ADD2: variants seen among roughly 807,000 people sequenced by gnomAD.
The protein encoded by ADD2 is beta-adducin.
Under a neutral mutation model 83.0 loss-of-function variants are expected in ADD2, and 23 were observed. The ratio of observed to expected loss-of-function variants is 0.28; its 90% CI spans 0.20 to 0.39. The LOEUF is 0.39. Ranked by LOEUF, ADD2 falls within the 10% of genes least tolerant of loss-of-function variation. The pLI is 1.00. For missense variants in ADD2, 758 were observed against 944.9 expected (o/e 0.80, Z 2.59); for synonymous variants, 375 against 375.4 (o/e 1.00, Z 0.01).
chr2:70,766,907 T>C (rs1174723845), intron 1 of ADD2, among the ~76,000 whole-genome samples: 5 of 152,214 alleles, frequency 3.3e-5, no homozygotes, highest in African/African-American at 1.2e-4. Flanking sequence ...AATGACAGTT[T>C]TTTAAAGAAT....
rs1315678261 is a variant in ADD2 at position 70,657,343 on chromosome 2, T to C, written c.*6082A>G. The C allele has an allele frequency of 6.6e-6, 1 of 152,224 alleles. No individual in the cohort carries two copies. The highest frequency in any genetic ancestry group is 1.5e-5 in the Non-Finnish European group (1 of 68,052). The allele number at this position is 152,224 out of a possible 1,614,324, so 9.4% of individuals were successfully genotyped here. A position where few individuals can be genotyped will look rare whatever the true frequency, so the allele number is the denominator to read the frequency against. On this transcript the variant is annotated 3_prime_UTR_variant, in exon 16 of 16. Coordinates refer to ENST00000264436, the MANE Select transcript of ADD2 (RefSeq NM_001617.4). ...GCTTTAGAGAACACTGCATTCTATC[T>C]AGACTGGGTTCCTGCTTGCCTGCAC... is the stretch of plus-strand genomic sequence containing the variant.
At chr2:70,703,365 A>C (rs1671711374) in intron 4 of ADD2, among the ~76,000 whole-genome samples, 1 of 152,322 alleles carries the variant, frequency 6.6e-6, no homozygotes, top group Non-Finnish European at 1.5e-5. Context: ...CTACTGAATC[A>C]GGAGGATGAA....
intron 8 of ADD2, among the ~76,000 whole-genome samples, chr2:70,690,047 G>C (rs1466149931): frequency 1.3e-5 from 2 of 151,958 alleles, no homozygotes; most frequent in Non-Finnish European, 2.9e-5. Context: ...TTAGCTGACA[G>C]GATTTTCATC....
intron 8 of ADD2, among the ~76,000 whole-genome samples, chr2:70,689,972 G>A (rs1670946044): frequency 6.6e-6 from 1 of 152,130 alleles, no homozygotes; most frequent in Admixed American, 6.5e-5. Context: ...CATGAAGTGA[G>A]AGTTCTAGCC....
chr2:70,681,182 G>A (rs1670432223), intron 10 of ADD2, among the ~76,000 whole-genome samples: 2 of 152,268 alleles, frequency 1.3e-5, no homozygotes, highest in East Asian at 1.9e-4. Context: ...GGCCTTTGGA[G>A]GTATCTTTTC....
chr2:70,674,980 G>T, intron 13 of ADD2, 155 bp from the exon 14 acceptor site: 1 of 1,347,050 alleles, frequency 7.4e-7, no homozygotes, highest in Non-Finnish European at 9.7e-7. Flanking sequence ...TTGGGGTAGG[G>T]ATTGTTCTTT....
intron 7 of ADD2, 82 bp downstream of exon 7, chr2:70,692,321 C>T: frequency 2.1e-6 from 3 of 1,416,754 alleles, no homozygotes; most frequent in Non-Finnish European, 2.8e-6. Flanking sequence ...TAGATCTTTC[C>T]AGACTGTTTT....
At chr2:70,736,525 C>G (rs1286649483) in intron 1 of ADD2, among the ~76,000 whole-genome samples, 2 of 152,180 alleles carry the variant, frequency 1.3e-5, no homozygotes, top group Non-Finnish European at 2.9e-5. Flanking sequence ...ATGGTATAAG[C>G]ATGACAGTCC....
intron 4 of ADD2, among the ~76,000 whole-genome samples, chr2:70,698,767 G>T (rs556896929): frequency 6.6e-6 from 1 of 152,170 alleles, no homozygotes; most frequent in East Asian, 1.9e-4. Flanking sequence ...TTGGCCTCAC[G>T]AAAGTTAGGA....
At chr2:70,764,649 T>C (rs568590712) in intron 1 of ADD2, among the ~76,000 whole-genome samples, 1 of 152,108 alleles carries the variant, frequency 6.6e-6, no homozygotes, top group East Asian at 1.9e-4. Flanking sequence ...CCAGGCATAG[T>C]GGCTCATGCC....
intron 2 of ADD2, among the ~76,000 whole-genome samples, chr2:70,712,456 T>TAAA (rs1405459368): frequency 1.5e-5 from 1 of 65,264 alleles, no homozygotes; most frequent in Non-Finnish European, 2.9e-5. Flanking sequence ...AAAAAATAAA[T>TAAA]AAATAAAAAA....
At position 70,662,274 on chromosome 2, in the gene ADD2, A is replaced by G. The variant is rs1675566152; in HGVS notation, c.*1151T>C. 6.6e-6 allele frequency: 1 copy of G among 152,214 alleles called. No individual in the cohort carries two copies. The highest frequency in any genetic ancestry group is 2.4e-5 in the African/African-American group (1 of 41,450). 9.4% of individuals were successfully genotyped at this position (152,214 alleles called of 1,614,324 possible). On this transcript the variant is annotated 3_prime_UTR_variant, in exon 16 of 16. Coordinates refer to ENST00000264436, the MANE Select transcript of ADD2 (RefSeq NM_001617.4). ...GGCCCCAGGATGGACAGATAGGGACAAGGACAGGGATACCCAGCATTTCTC... is the reference window on the plus strand; with the variant it reads ...GGCCCCAGGATGGACAGATAGGGACGAGGACAGGGATACCCAGCATTTCTC...
At chr2:70,752,252 T>A (rs551807583) in intron 1 of ADD2, among the ~76,000 whole-genome samples, 1 of 152,318 alleles carries the variant, frequency 6.6e-6, no homozygotes, top group South Asian at 2.1e-4. Flanking sequence ...TGGGTTTTTT[T>A]AGGTCATTAA....
intron 1 of ADD2, among the ~76,000 whole-genome samples, chr2:70,747,517 A>G (rs1324759471): frequency 1.3e-5 from 2 of 148,740 alleles, no homozygotes; most frequent in African/African-American, 5.0e-5. Context: ...ATCATGCCAC[A>G]TGCTCTCGCA....
In ADD2 at chr2:70,663,538, C is replaced by A; in HGVS notation, c.2068G>T (p.Gly690Cys). The change falls in exon 16 of 16, where the codon GGC (glycine) becomes TGC (cysteine). Residue 690 changes from glycine (G) to cysteine (C), a missense_variant. By Grantham distance (159) the Gly-to-Cys change is radical (BLOSUM62 -3). This residue lies in a region of ADD2 where 165 missense variants were observed against 176.2 expected (regional missense o/e 0.94). Coordinates refer to ENST00000264436, the MANE Select transcript of ADD2 (RefSeq NM_001617.4). ...SKDKTESVTSGPMSPEGSPSK... is the reference protein window; with the variant it reads ...SKDKTESVTSCPMSPEGSPSK... ...GGTGAGCCCTCTGGGGACATGGGGCCGCTGGTGACCGACTCGGTTTTGTCC... is the reference window on the plus strand; with the variant it reads ...GGTGAGCCCTCTGGGGACATGGGGCAGCTGGTGACCGACTCGGTTTTGTCC... The A allele has an allele frequency of 6.2e-7, 1 of 1,614,038 alleles. No homozygotes were observed. Among genetic ancestry groups the A allele is most frequent in the Non-Finnish European group, 8.5e-7 (1 of 1,180,010 alleles).
At chr2:70,747,211 C>T (rs908602286) in intron 1 of ADD2, among the ~76,000 whole-genome samples, 24 of 152,034 alleles carry the variant, frequency 1.6e-4, no homozygotes, top group Admixed American at 7.9e-4. Context: ...GGGGTTTCAC[C>T]GTGTTAGCCA....
chr2:70,726,809 C>A (rs1253274449), intron 1 of ADD2, among the ~76,000 whole-genome samples: 3 of 152,156 alleles, frequency 2.0e-5, no homozygotes, highest in Non-Finnish European at 4.4e-5. Flanking sequence ...GCTTTACCCA[C>A]TAAAACAGCC....
At chr2:70,757,474 G>A (rs1262717099) in intron 1 of ADD2, among the ~76,000 whole-genome samples, 3 of 152,178 alleles carry the variant, frequency 2.0e-5, no homozygotes, top group African/African-American at 7.2e-5. Context: ...AGTATGGTGG[G>A]AATGAGTGTG....
At chr2:70,757,296 G>C (rs934944912) in intron 1 of ADD2, among the ~76,000 whole-genome samples, 5 of 151,642 alleles carry the variant, frequency 3.3e-5, no homozygotes, top group Non-Finnish European at 5.9e-5. Context: ...TGTGGGGGGG[G>C]GGGATTTGTA....
Sources: allele counts gnomAD v4.1 joint callset (sites outside exome capture counted in the v4.1 genomes callset), GRCh38; gene constraint gnomAD v4.1.1; regional missense constraint gnomAD v4.1.1; transcripts MANE v1.5; gene names NCBI Gene and HGNC (gene_info 2026-07-23, HGNC 2026-07-21).